The following KCNK5 variants were observed in gnomAD, a reference collection of about 807,000 sequenced individuals.
KCNK5 encodes the protein potassium channel subfamily K member 5.
KCNK5 carries 18 observed loss-of-function variants against 32.9 expected under a neutral mutation model. The ratio of observed to expected loss-of-function variants is 0.55; its 90% confidence interval spans 0.38 to 0.81. KCNK5 has a LOEUF of 0.81. Ranked by LOEUF, KCNK5 falls within the 30% of genes least tolerant of loss-of-function variation. KCNK5 has a pLI of 0.00. For synonymous variants in KCNK5, 276 were observed against 275.3 expected, an observed-to-expected ratio of 1.00 and a Z score of -0.03; for missense variants, 507 against 651.0, an observed-to-expected ratio of 0.78 and a Z score of 2.41.
At chr6:39,201,834 C>G (rs754475842) in intron 1 of KCNK5, among the ~76,000 whole-genome samples, 19 of 152,214 alleles carry the variant, frequency 1.2e-4, no homozygotes, top group Non-Finnish European at 2.6e-4. Context: ...CCAGTACCCT[C>G]TAAAGTTTAC....
Position 39,208,599 on chromosome 6 carries a change from T to A in KCNK5, c.187-12612A>T, listed in dbSNP as rs79835435. ...GACAACAGCTGGCCTCCATCCTCTC[T>A]GGAATAAATTGTATAAGAAACTACC... On this transcript the variant is annotated intron_variant, in intron 1 of 4. Transcript: ENST00000359534. Among the ~76,000 whole-genome samples, 1,280 of 152,368 alleles carry A rather than the reference T, an allele frequency of 8.4e-3. 11 individuals are homozygous for A. The highest frequency in any genetic ancestry group is 0.024 in the Middle Eastern group (7 of 294).
intron 1 of KCNK5, among the ~76,000 whole-genome samples, chr6:39,212,018 C>T (rs746335542): frequency 2.0e-5 from 3 of 150,846 alleles, no homozygotes; most frequent in Non-Finnish European, 4.4e-5. Context: ...CCAGGCACGG[C>T]GGCTCAGGCC....
Position 39,194,604 on chromosome 6 carries a change from C to G in KCNK5, c.455G>C (p.Gly152Ala). 1 of 1,614,130 alleles carries G rather than the reference C, an allele frequency of 6.2e-7. No individual in the cohort carries two copies. The highest frequency in any genetic ancestry group is 1.3e-5 in the African/African-American group (1 of 75,038). Residue 152 changes from glycine to alanine, a missense_variant, in exon 3 of 5, where the codon GGT (glycine) becomes GCT (alanine). Physicochemically the swap from Gly to Ala is moderately conservative, Grantham distance 60. Coordinates refer to ENST00000359534, the MANE Select transcript of KCNK5 (RefSeq NM_003740.4). The surrounding 1 kb of genome is among the most constrained non-coding windows in gnomAD (Gnocchi z 4.7). ...GGGTAGGGGACATACCAGACTCACA[C>G]CTCTCTTGGTAAGGAACTGCCCTAG... ...KRLGQFLTKR[G>A]VSLRKAQITC...
intron 1 of KCNK5, among the ~76,000 whole-genome samples, chr6:39,203,910 A>G (rs913425339): frequency 6.6e-6 from 1 of 152,104 alleles, no homozygotes; most frequent in African/African-American, 2.4e-5. Context: ...AATTCTTGGT[A>G]TTTTCCTCAC....
chr6:39,205,025 A>G (rs1380806660), intron 1 of KCNK5, among the ~76,000 whole-genome samples: 1 of 152,244 alleles, frequency 6.6e-6, no homozygotes, highest in Non-Finnish European at 1.5e-5. Context: ...CATTGTTCTC[A>G]GGCTGGGACG....
chr6:39,228,992 T>A lies in KCNK5; in HGVS notation c.120A>T (p.Thr40=). The A allele has an allele frequency of 6.2e-7, 1 of 1,614,084 alleles. No individual in the cohort carries two copies. The highest frequency in any genetic ancestry group is 8.5e-7 in the Non-Finnish European group (1 of 1,180,002). The part of the protein sequence containing the change: ...HWKEAKKNYY[T]QKLHLLKEFP... ...ACTCCTTGAGCAGATGCAGCTTCTGTGTGTAGTAGTTTTTCTTGGCCTCCT... is the reference window on the plus strand; with the variant it reads ...ACTCCTTGAGCAGATGCAGCTTCTGAGTGTAGTAGTTTTTCTTGGCCTCCT... Residue 40 remains threonine, a synonymous_variant, in exon 1 of 5, where the codon ACA becomes ACT. Transcript: ENST00000359534.
intron 1 of KCNK5, among the ~76,000 whole-genome samples, chr6:39,207,529 T>C (rs1394683682): frequency 6.6e-6 from 1 of 151,424 alleles, no homozygotes; most frequent in Non-Finnish European, 1.5e-5. Context: ...CGGGGTCTCC[T>C]CCCTACCCTA....
rs1226626372 is a variant in KCNK5, at chr6:39,192,283, CAAAAAA to C, written c.635-534_635-529del. 4.5e-4 allele frequency among the ~76,000 whole-genome samples: 21 copies of C among 46,718 alleles called. No homozygotes were observed. The East Asian group carries it at 0.013, about 29-fold the overall frequency. 30.6% of individuals were successfully genotyped at this position (46,718 alleles called of 152,430 possible). ...TGGGCAGCAGACAGAGACTCCGTCT[CAAAAAA>C]AAAAAAAAAAAAAAAAAAAGTCAAG... On this transcript the variant is annotated intron_variant, in intron 4 of 4. Transcript: ENST00000359534.
chr6:39,229,102 G>C lies in KCNK5; in HGVS notation c.10C>G (p.Arg4Gly), dbSNP rs2113802757. The change falls in exon 1 of 5, where the codon CGG (arginine) becomes GGG (glycine). Residue 4 changes from arginine (R) to glycine (G), a missense_variant. Physicochemically the swap from Arg to Gly is moderately radical, Grantham distance 125. This residue lies in a region of KCNK5 where 143 missense variants were observed against 219.1 expected (regional missense o/e 0.65). Coordinates refer to ENST00000359534, the MANE Select transcript of KCNK5 (RefSeq NM_003740.4). MVDRGPLLTSAIIF... is the reference protein window; with the variant it reads MVDGGPLLTSAIIF... ...ATGGCCGAGGTGAGCAGAGGGCCCC[G>C]GTCCACCATGGCTCCCGAGCGGCCG... 2.5e-6 allele frequency: 4 copies of C among 1,613,986 alleles called. No individual in the cohort carries two copies. The highest frequency in any genetic ancestry group is 1.7e-5 in the Admixed American group (1 of 60,024).
intron 1 of KCNK5, among the ~76,000 whole-genome samples, chr6:39,197,194 A>G (rs1771045945): frequency 6.6e-6 from 1 of 151,348 alleles, no homozygotes; most frequent in Non-Finnish European, 1.5e-5. Flanking sequence ...GAGGGATGGA[A>G]ACAGAGGGAG....
intron 1 of KCNK5, among the ~76,000 whole-genome samples, chr6:39,198,887 A>C (rs1458980804): frequency 1.3e-5 from 2 of 152,200 alleles, no homozygotes; most frequent in Non-Finnish European, 2.9e-5. Flanking sequence ...GATAATGCAA[A>C]GTATTTAGAC....
intron 1 of KCNK5, among the ~76,000 whole-genome samples, chr6:39,217,118 CAAAAAAAA>C (rs57204833): frequency 0.14 from 10,808 of 74,658 alleles, 753 homozygotes; most frequent in South Asian, 0.3. Flanking sequence ...AAAACTCCAT[CAAAAAAAA>C]AAAAAAAAAA....
Position 39,190,755 on chromosome 6 carries a change from G to C in KCNK5, c.*135C>G. 1 of 823,306 alleles carries C rather than the reference G, an allele frequency of 1.2e-6. No homozygotes were observed. The highest frequency in any genetic ancestry group is 2.8e-5 in the East Asian group (1 of 35,558). 51.0% of individuals were successfully genotyped at this position (823,306 alleles called of 1,614,324 possible). ...TCTAGCTGAGGATGATGGAAGGTTA[G>C]GAAGGCCCCTGGCCCCCCACTCCCA... On this transcript the variant is annotated 3_prime_UTR_variant, in exon 5 of 5. Transcript: ENST00000359534.
At position 39,229,046 on chromosome 6, in the gene KCNK5, G is replaced by A; in HGVS notation, c.66C>T (p.Ile22=). The A allele has an allele frequency of 6.2e-7, 1 of 1,614,178 alleles. No individual in the cohort carries two copies. The highest frequency in any genetic ancestry group is 1.3e-5 in the African/African-American group (1 of 75,052). ...AGTGTGGCTCCTCCAGCACTTCGAA[G>A]ATCGCCGCCCCGATGGCCAGGTAGA... The part of the protein sequence containing the change: ...IIFYLAIGAA[I]FEVLEEPHWK... The change falls in exon 1 of 5, where the codon ATC becomes ATT. Residue 22 remains isoleucine (I), a synonymous_variant. Coordinates refer to ENST00000359534, the MANE Select transcript of KCNK5 (RefSeq NM_003740.4).
At chr6:39,227,745 T>G (rs1771700868) in intron 1 of KCNK5, among the ~76,000 whole-genome samples, 1 of 152,124 alleles carries the variant, frequency 6.6e-6, no homozygotes, top group African/African-American at 2.4e-5. Context: ...AAATAAGGAA[T>G]GAGGATGGGC....
intron 1 of KCNK5, among the ~76,000 whole-genome samples, chr6:39,202,355 A>T (rs1771145195): frequency 6.6e-6 from 1 of 152,148 alleles, no homozygotes; most frequent in Non-Finnish European, 1.5e-5. Context: ...CACAGACCCC[A>T]GCGGCGGCGG....
intron 1 of KCNK5, among the ~76,000 whole-genome samples, chr6:39,213,604 T>TGTGCA (rs143665988): frequency 0.047 from 7,202 of 152,230 alleles, 210 homozygotes; most frequent in South Asian, 0.1. Context: ...GATTAAATTG[T>TGTGCA]GTGCAGAGCA....
At chr6:39,224,030 T>C (rs1296000415) in intron 1 of KCNK5, among the ~76,000 whole-genome samples, 1 of 152,078 alleles carries the variant, frequency 6.6e-6, no homozygotes, top group Non-Finnish European at 1.5e-5. Context: ...GTAATAAACA[T>C]TTACTTTCAC....
chr6:39,216,274 G>A (rs2113794717), intron 1 of KCNK5, among the ~76,000 whole-genome samples: 1 of 152,258 alleles, frequency 6.6e-6, no homozygotes, highest in South Asian at 2.1e-4. Flanking sequence ...GACAGAGTGA[G>A]ACTCCATCTC....
Sources: gnomAD v4.1 joint callset for allele counts (sites outside exome capture counted in the v4.1 genomes callset) on GRCh38, gnomAD v4.1.1 for gene constraint, gnomAD v4.1.1 regional missense constraint, Gnocchi (gnomAD v3.1) non-coding constraint, MANE v1.5 for transcripts, NCBI Gene and HGNC (gene_info 2026-07-23, HGNC 2026-07-21) for gene names.